The following SAFB2 variants were observed in gnomAD, a reference collection of about 807,000 sequenced individuals.
SAFB2 encodes the protein scaffold attachment factor B2.
In SAFB2, 32 loss-of-function variants were observed where a neutral mutation model predicts 100.6. That is an observed-to-expected ratio of 0.32 (90% CI 0.24 to 0.43). SAFB2 has a LOEUF of 0.43. SAFB2 is among the 20% of genes least tolerant of loss of function. The probability of loss-of-function intolerance (pLI) is 1.00; values close to 1 mark genes in which losing one functional copy is unlikely to be tolerated. For synonymous variants in SAFB2, 500 were observed against 439.4 expected (o/e 1.14, Z -1.72); for missense variants, 1,185 against 1,163.4 (o/e 1.02, Z -0.27).
chr19:5,614,925 A>G (rs1412425137), intron 4 of SAFB2, among the ~76,000 whole-genome samples: 1 of 152,230 alleles, frequency 6.6e-6, no homozygotes, highest in Non-Finnish European at 1.5e-5. Context: ...AAACAACATT[A>G]ACAGGCTAGG....
At chr19:5,601,795 T>G (rs966173976) in intron 11 of SAFB2, among the ~76,000 whole-genome samples, 5 of 152,192 alleles carry the variant, frequency 3.3e-5, no homozygotes, top group African/African-American at 1.2e-4. Flanking sequence ...AAAAAGGGTC[T>G]GACTCCTTTC....
intron 13 of SAFB2, among the ~76,000 whole-genome samples, chr19:5,595,973 G>A (rs764583567): frequency 3.9e-5 from 6 of 152,190 alleles, no homozygotes; most frequent in South Asian, 2.1e-4. Flanking sequence ...GCTCTAAATA[G>A]AATATGCCAG....
At chr19:5,600,898 T>G (rs549900216) in intron 11 of SAFB2, among the ~76,000 whole-genome samples, 2 of 152,222 alleles carry the variant, frequency 1.3e-5, no homozygotes, top group Non-Finnish European at 2.9e-5. Context: ...CCACTCAAAC[T>G]CAGCTGCTGC....
intron 9 of SAFB2, among the ~76,000 whole-genome samples, chr19:5,609,479 T>C (rs1487840040): frequency 6.6e-6 from 1 of 152,112 alleles, no homozygotes; most frequent in Non-Finnish European, 1.5e-5. Flanking sequence ...GATTTTTGTA[T>C]TTTTAGCAGA....
chr19:5,591,920 A>T, intron 16 of SAFB2, 127 bp from the exon 17 acceptor site: 2 of 865,606 alleles, frequency 2.3e-6, no homozygotes, highest in Non-Finnish European at 3.7e-6. Flanking sequence ...TGGCCTGGGA[A>T]AAAAGGAAAA....
At chr19:5,604,766 C>T (rs1215206865) in intron 10 of SAFB2, 21 bp downstream of exon 10, 2 of 1,613,932 alleles carry the variant, frequency 1.2e-6, no homozygotes, top group South Asian at 1.1e-5. Flanking sequence ...TGCGAGTTAC[C>T]ATAGACGAGA....
Position 5,587,684 on chromosome 19 carries a change from C to A in SAFB2, c.2705+17G>T, listed in dbSNP as rs758883870. ...AGCAGGAGTGAACCACCGTCCTCCA[C>A]GGACGACACACCTTACCCCGCCACT... On this transcript the variant is annotated intron_variant, in intron 20 of 20. Coordinates refer to ENST00000252542, the MANE Select transcript of SAFB2 (RefSeq NM_014649.3). This position sits in a 1 kb window ranked among gnomAD's most constrained non-coding sequence, Gnocchi z 4.9. 1.9e-6 allele frequency: 3 copies of A among 1,542,214 alleles called. No homozygotes were observed. Among genetic ancestry groups the A allele is most frequent in the Admixed American group, 4.1e-5 (2 of 49,374 alleles).
At chr19:5,598,951 C>T (rs1255849355) in intron 12 of SAFB2, 67 bp from the exon 13 acceptor site, 12 of 1,406,830 alleles carry the variant, frequency 8.5e-6, no homozygotes, top group Non-Finnish European at 1.2e-5. Flanking sequence ...GTAAACAGCA[C>T]TCTGATGGAC....
At chr19:5,591,694 A>C in intron 17 of SAFB2, 54 bp downstream of exon 17, 1 of 1,563,088 alleles carries the variant, frequency 6.4e-7, no homozygotes, top group Admixed American at 1.7e-5. Flanking sequence ...ATGGTCCGCT[A>C]TGCCTGCACA....
chr19:5,600,344 C>G, intron 11 of SAFB2, 84 bp from the exon 12 acceptor site: 5 of 1,546,508 alleles, frequency 3.2e-6, no homozygotes, highest in Non-Finnish European at 4.3e-6. Flanking sequence ...CTCACACATA[C>G]TCAGACGTCC....
Position 5,600,148 on chromosome 19 carries a change from A to G in SAFB2, c.1672T>C (p.Ser558Pro). ...DELKPGPTNR[S>P]RVTKSGSRGM... ...TCCTCACCTGATTTGGTGACTCTAGACCGATTTGTAGGTCCGGGTTTCAGC... is the reference window on the plus strand; with the variant it reads ...TCCTCACCTGATTTGGTGACTCTAGGCCGATTTGTAGGTCCGGGTTTCAGC... The change falls in exon 12 of 21, where the codon TCT (serine) becomes CCT (proline). Residue 558 changes from serine (S) to proline (P), a missense_variant. Coordinates refer to ENST00000252542, the MANE Select transcript of SAFB2 (RefSeq NM_014649.3). 6.2e-7 allele frequency: 1 copy of G among 1,613,806 alleles called. No individual in the cohort carries two copies. Among genetic ancestry groups the G allele is most frequent in the Non-Finnish European group, 8.5e-7 (1 of 1,179,926 alleles).
At position 5,587,966 on chromosome 19, in the gene SAFB2, C is replaced by T; in HGVS notation, c.2540G>A (p.Trp847Ter). The T allele has an allele frequency of 6.2e-7, 1 of 1,612,198 alleles. No individual in the cohort carries two copies. The highest frequency in any genetic ancestry group is 8.5e-7 in the Non-Finnish European group (1 of 1,179,502). ...CTCTAGCCGCTGGTTGTGCTCTCCCCAGTCACGGCCACCCCTTTGCCAAAA... is the reference window on the plus strand; with the variant it reads ...CTCTAGCCGCTGGTTGTGCTCTCCCTAGTCACGGCCACCCCTTTGCCAAAA... ...LPPPPRGGRDWGEHNQRLEEH... is the reference protein window; with the variant it reads ...LPPPPRGGRD The change falls in exon 19 of 21, where the codon TGG (tryptophan) becomes TAG (stop). Residue 847 changes from tryptophan to a stop codon, truncating the protein, a stop_gained. Coordinates refer to ENST00000252542, the MANE Select transcript of SAFB2 (RefSeq NM_014649.3). LOFTEE classifies it high-confidence loss of function. This position sits in a 1 kb window ranked among gnomAD's most constrained non-coding sequence, Gnocchi z 4.9.
At chr19:5,605,231 A>AGT (rs1368332435) in intron 9 of SAFB2, among the ~76,000 whole-genome samples, 13 of 151,720 alleles carry the variant, frequency 8.6e-5, no homozygotes, top group Non-Finnish European at 1.6e-4. Flanking sequence ...CAGCCTCCGA[A>AGT]GTAGCTGGGA....
At chr19:5,619,069 A>T (rs562699950) in intron 2 of SAFB2, among the ~76,000 whole-genome samples, 2 of 152,308 alleles carry the variant, frequency 1.3e-5, no homozygotes, top group Non-Finnish European at 2.9e-5. Context: ...CCAACTTTGG[A>T]CTCAACTGAA....
intron 12 of SAFB2, among the ~76,000 whole-genome samples, chr19:5,599,664 A>G (rs1952569327): frequency 6.6e-6 from 1 of 152,194 alleles, no homozygotes; most frequent in Non-Finnish European, 1.5e-5. Context: ...ATGAACCTTT[A>G]TAAAATGACA....
chr19:5,608,646 A>G (rs1265327066), intron 9 of SAFB2, among the ~76,000 whole-genome samples: 1 of 152,104 alleles, frequency 6.6e-6, no homozygotes, highest in Non-Finnish European at 1.5e-5. Context: ...GACAGGGCCC[A>G]CTCTGCCTGG....
intron 12 of SAFB2, among the ~76,000 whole-genome samples, 163 bp from the exon 13 acceptor site, chr19:5,599,047 C>T (rs567476843): frequency 2.6e-5 from 4 of 152,306 alleles, no homozygotes; most frequent in Admixed American, 6.5e-5. Context: ...GTGAGCAACA[C>T]GGTAACACGG....
At position 5,616,347 on chromosome 19, in the gene SAFB2, A is replaced by G. The variant is rs770520524; in HGVS notation, c.340-12T>C. The G allele has an allele frequency of 3.1e-6, 5 of 1,613,948 alleles. No individual in the cohort carries two copies. The highest frequency in any genetic ancestry group is 4.2e-6 in the Non-Finnish European group (5 of 1,179,986). On this transcript the variant is annotated splice_polypyrimidine_tract_variant and intron_variant, in intron 3 of 20. Transcript: ENST00000252542. ...GCTTCCATGTCCTCCTGTAAAGAGG[A>G]AGAAGAATCGTTAACGACCACCTGG...
chr19:5,590,358 G>C lies in SAFB2; in HGVS notation c.2445C>G (p.Gly815=). 6.2e-7 allele frequency: 1 copy of C among 1,611,736 alleles called. No homozygotes were observed. The highest frequency in any genetic ancestry group is 8.5e-7 in the Non-Finnish European group (1 of 1,179,296). The change falls in exon 18 of 21, where the codon GGC becomes GGG. Residue 815 remains glycine (G), a synonymous_variant. Transcript: ENST00000252542. The part of the protein sequence containing the change: ...HGHGGPPERH[G]RDSRDGWGGY... Reference sequence around the variant, plus strand: ...CCCCCCAGCCATCACGGGAGTCCCGGCCGTGGCGCTCTGGGGGTCCTCCGT... The same window carrying C: ...CCCCCCAGCCATCACGGGAGTCCCGCCCGTGGCGCTCTGGGGGTCCTCCGT...
Sources: gnomAD v4.1 joint callset for allele counts (sites outside exome capture counted in the v4.1 genomes callset) on GRCh38, gnomAD v4.1.1 for gene constraint, Gnocchi (gnomAD v3.1) non-coding constraint, MANE v1.5 for transcripts, NCBI Gene and HGNC (gene_info 2026-07-23, HGNC 2026-07-21) for gene names.